KCNJ16: variants seen among roughly 807,000 people sequenced by gnomAD.
The protein encoded by KCNJ16 is inward rectifier potassium channel 16.
KCNJ16 carries 15 observed loss-of-function variants against 18.5 expected under a neutral mutation model. The ratio of observed to expected loss-of-function variants is 0.81; its 90% CI spans 0.54 to 1.25. The LOEUF (loss-of-function observed/expected upper bound fraction) is 1.25. Among genes scored for constraint, KCNJ16 ranks in the 50% most tolerant of loss-of-function variants. The pLI, the probability that KCNJ16 is intolerant of heterozygous loss-of-function variation, is 0.00. For synonymous variants in KCNJ16, 174 were observed against 186.5 expected (o/e 0.93, Z 0.55); for missense variants, 523 against 525.7 (o/e 0.99, Z 0.05).
intron 2 of KCNJ16, among the ~76,000 whole-genome samples, chr17:70,125,479 G>T (rs1277925834): frequency 2.0e-5 from 3 of 152,112 alleles, no homozygotes; most frequent in Non-Finnish European, 4.4e-5. Context: ...GAGAGTGAAA[G>T]CAAGTGTTCT....
intron 2 of KCNJ16, among the ~76,000 whole-genome samples, chr17:70,106,673 T>C (rs1327559205): frequency 6.6e-6 from 1 of 152,156 alleles, no homozygotes; most frequent in Non-Finnish European, 1.5e-5. Flanking sequence ...CTGCCATGGT[T>C]TTCTGACCTG....
intron 2 of KCNJ16, among the ~76,000 whole-genome samples, chr17:70,113,734 C>T (rs566864856): frequency 5.3e-5 from 8 of 152,202 alleles, no homozygotes; most frequent in African/African-American, 1.7e-4. Flanking sequence ...TGTAGACATT[C>T]ATAGATAATA....
intron 1 of KCNJ16, among the ~76,000 whole-genome samples, chr17:70,087,972 G>T (rs6501364): frequency 0.85 from 123,040 of 144,152 alleles, 52,601 homozygotes; most frequent in East Asian, 0.99. Context: ...AGCCGAGATA[G>T]CGCCACGCCA....
intron 2 of KCNJ16, among the ~76,000 whole-genome samples, chr17:70,109,403 C>T (rs763110359): frequency 6.6e-6 from 1 of 152,186 alleles, no homozygotes; most frequent in Non-Finnish European, 1.5e-5. Context: ...ATTATCCTCT[C>T]TCAGTTTGGA....
intron 1 of KCNJ16, among the ~76,000 whole-genome samples, chr17:70,088,328 A>G (rs974664822): frequency 3.9e-5 from 6 of 152,204 alleles, no homozygotes; most frequent in African/African-American, 1.4e-4. Context: ...GCAGTTCACA[A>G]TAGGATTCGT....
At chr17:70,077,291 AGC>A (rs560170368) in intron 1 of KCNJ16, among the ~76,000 whole-genome samples, 5,232 of 152,332 alleles carry the variant, frequency 0.034, 87 homozygotes, top group Middle Eastern at 0.061. Flanking sequence ...GACCATGGGA[AGC>A]GTAGATTTAG....
chr17:70,104,814 G>A (rs1295774179), intron 2 of KCNJ16: 1 of 152,660 alleles, frequency 6.6e-6, no homozygotes, highest in Non-Finnish European at 1.5e-5. Context: ...GTAGGCATGG[G>A]AACCAGTTAA....
At chr17:70,092,515 T>C (rs2072138064) in intron 1 of KCNJ16, among the ~76,000 whole-genome samples, 1 of 39,416 alleles carries the variant, frequency 2.5e-5, no homozygotes, top group Non-Finnish European at 5.4e-5. Context: ...GATAGATAGA[T>C]AGATAGATAC....
rs138109332 is a variant in KCNJ16, at chr17:70,132,376, T to C, written c.289T>C (p.Phe97Leu). The change falls in exon 4 of 4, where the codon TTT becomes CTT. Residue 97 changes from phenylalanine (F) to leucine (L), a missense_variant. Phe to Leu is a conservative substitution (Grantham distance 22, BLOSUM62 0). Transcript: ENST00000392671. ...TGGCTCTGTCTTTTGGCTCATAGCC[T>C]TTCATCATGGCGATCTATTAAATGA... ...IFGSVFWLIAFHHGDLLNDPD... is the reference protein window; with the variant it reads ...IFGSVFWLIALHHGDLLNDPD... 1.9e-5 allele frequency: 31 copies of C among 1,614,198 alleles called. No homozygotes were observed. Among genetic ancestry groups the C allele is most frequent in the Non-Finnish European group, 2.5e-5 (30 of 1,180,014 alleles).
intron 2 of KCNJ16, among the ~76,000 whole-genome samples, chr17:70,126,431 G>C (rs1398329352): frequency 2.0e-5 from 3 of 152,124 alleles, no homozygotes; most frequent in Admixed American, 2.0e-4. Flanking sequence ...TTGACAATGG[G>C]GTTCAGATTC....
At chr17:70,131,763 T>C (rs2074064747) in intron 3 of KCNJ16, among the ~76,000 whole-genome samples, 1 of 152,334 alleles carries the variant, frequency 6.6e-6, no homozygotes, top group East Asian at 1.9e-4. Context: ...ATCACAGTGT[T>C]TACCCAAGCC....
intron 1 of KCNJ16, among the ~76,000 whole-genome samples, chr17:70,087,254 T>C (rs575683221): frequency 9.9e-5 from 15 of 152,146 alleles, no homozygotes; most frequent in East Asian, 5.8e-4. Context: ...ATTATGGCAA[T>C]AGGAATACTA....
intron 1 of KCNJ16, among the ~76,000 whole-genome samples, chr17:70,092,272 A>G (rs181208957): frequency 9.8e-4 from 150 of 152,290 alleles, no homozygotes; most frequent in African/African-American, 3.5e-3. Context: ...CCTCCAAGAA[A>G]ATATGGATCT....
rs1340742888 is a variant in KCNJ16, at chr17:70,133,642, C to T, written c.*298C>T. ...CAGTTGGAGGTGTAGTATTCAAAAA[C>T]GGGGAATGAAGGCAGGAAGGAGGCT... On this transcript the variant is annotated 3_prime_UTR_variant, in exon 4 of 4. Transcript: ENST00000392671. 2.9e-5 allele frequency: 7 copies of T among 244,400 alleles called. No individual in the cohort carries two copies. Among genetic ancestry groups the T allele is most frequent in the Middle Eastern group, 1.5e-3 (1 of 678 alleles). The allele number at this position is 244,400 out of a possible 1,614,324, so 15.1% of individuals were successfully genotyped here.
Position 70,133,194 on chromosome 17 carries a change from G to A in KCNJ16, c.1107G>A (p.Ala369=), listed in dbSNP as rs1045809318. The A allele has an allele frequency of 2.5e-6, 4 of 1,614,190 alleles. No homozygotes were observed. Among genetic ancestry groups the A allele is most frequent in the Non-Finnish European group, 3.4e-6 (4 of 1,180,034 alleles). The change falls in exon 4 of 4, where the codon GCG becomes GCA. Residue 369 remains alanine, a synonymous_variant. Transcript: ENST00000392671. The part of the protein sequence containing the change: ...VRESCTSDTK[A]RRRSFSAVAI... ...AATCCTGCACGTCGGACACCAAGGCGAGACGAAGGTCATTTAGTGCAGTTG... is the reference window on the plus strand; with the variant it reads ...AATCCTGCACGTCGGACACCAAGGCAAGACGAAGGTCATTTAGTGCAGTTG...
chr17:70,133,096 C>T lies in KCNJ16; in HGVS notation c.1009C>T (p.Pro337Ser), dbSNP rs1298252683. 3.7e-6 allele frequency: 6 copies of T among 1,613,978 alleles called. No individual in the cohort carries two copies. In the South Asian group the frequency reaches 4.4e-5, roughly 12 times the overall value. The change falls in exon 4 of 4, where the codon CCC becomes TCC. Residue 337 changes from proline to serine, a missense_variant. Transcript: ENST00000392671. ...QFEGSVEVYA[P>S]FCSAKQLDWK... ...TGAAGGAAGTGTGGAAGTATATGCC[C>T]CCTTTTGCAGTGCCAAGCAATTGGA...
chr17:70,106,576 C>A (rs1374732671), intron 2 of KCNJ16, among the ~76,000 whole-genome samples: 1 of 152,118 alleles, frequency 6.6e-6, no homozygotes, highest in Non-Finnish European at 1.5e-5. Context: ...AAAACACAAG[C>A]CAATTGCAAT....
chr17:70,115,595 G>A (rs1327995011), intron 2 of KCNJ16, among the ~76,000 whole-genome samples: 1 of 152,104 alleles, frequency 6.6e-6, no homozygotes, highest in Non-Finnish European at 1.5e-5. Flanking sequence ...GGTATTAACA[G>A]TTTAATATGG....
At chr17:70,125,793 GT>G (rs1398379270) in intron 2 of KCNJ16, among the ~76,000 whole-genome samples, 1 of 152,090 alleles carries the variant, frequency 6.6e-6, no homozygotes, top group Non-Finnish European at 1.5e-5. Context: ...TTAGCTGGGC[GT>G]GCTGGCAGGC....
Sources: allele counts gnomAD v4.1 joint callset (sites outside exome capture counted in the v4.1 genomes callset), GRCh38; gene constraint gnomAD v4.1.1; transcripts MANE v1.5; gene names NCBI Gene and HGNC (gene_info 2026-07-23, HGNC 2026-07-21).